ESRP1: variants seen among roughly 807,000 people sequenced by gnomAD.
ESRP1 encodes RNA-binding motif protein 35A.
A neutral mutation model predicts 81.7 loss-of-function variants in ESRP1; 33 were observed. That is an observed-to-expected ratio of 0.40 (90% CI 0.31 to 0.54). The LOEUF (loss-of-function observed/expected upper bound fraction) is 0.54. Among genes scored for constraint, ESRP1 ranks in the 20% least tolerant of loss-of-function variants. The pLI, the probability that ESRP1 is intolerant of heterozygous loss-of-function variation, is 0.41. For synonymous variants in ESRP1, 320 were observed against 303.3 expected, an observed-to-expected ratio of 1.06 and a Z score of -0.57; for missense variants, 672 against 833.1, an observed-to-expected ratio of 0.81 and a Z score of 2.38.
intron 15 of ESRP1, 54 bp downstream of exon 15, chr8:94,697,015 A>T: frequency 8.3e-7 from 1 of 1,199,174 alleles, no homozygotes; most frequent in Non-Finnish European, 1.2e-6. Context: ...AGAGATCAAG[A>T]TTCTGAAGGC....
chr8:94,658,992 G>A (rs1241120297), intron 4 of ESRP1, among the ~76,000 whole-genome samples: 6 of 151,700 alleles, frequency 4.0e-5, no homozygotes, highest in East Asian at 3.9e-4. Flanking sequence ...TGTACTTTTC[G>A]ACCTCCCAGG....
chr8:94,662,111 T>C (rs183990034), intron 4 of ESRP1, among the ~76,000 whole-genome samples, 161 bp from the exon 5 acceptor site: 23 of 152,324 alleles, frequency 1.5e-4, no homozygotes, highest in Admixed American at 5.2e-4. Flanking sequence ...AGTTGGAGCC[T>C]AAGTTGAATG....
rs764879248 is a variant in ESRP1, at chr8:94,685,010, CA to C, written c.1820+6641del. On this transcript the variant is annotated intron_variant, in intron 13 of 15. Transcript: ENST00000433389. The stretch of plus-strand genomic sequence containing the variant: ...GCTCATTGTGGTGTGGGAGACAGCA[CA>C]AGCCTGTCTTTAAAAAAAAAAAAAG... 1.9e-4 allele frequency among the ~76,000 whole-genome samples: 26 copies of C among 135,974 alleles called. 1 individual carries two copies. The East Asian group carries it at 5.6e-3, about 29-fold the overall frequency. 89.2% of individuals were successfully genotyped at this position (135,974 alleles called of 152,430 possible).
intron 4 of ESRP1, among the ~76,000 whole-genome samples, chr8:94,656,394 ATT>A (rs1057242807): frequency 1.7e-4 from 26 of 149,502 alleles, no homozygotes; most frequent in African/African-American, 5.1e-4. Context: ...AATTTTTTGT[ATT>A]TTTTTAGTAG....
intron 15 of ESRP1, among the ~76,000 whole-genome samples, chr8:94,698,559 C>T (rs1332693571): frequency 6.6e-6 from 1 of 152,136 alleles, no homozygotes; most frequent in Non-Finnish European, 1.5e-5. Flanking sequence ...CTCCTCAGTC[C>T]CCATTAATCC....
intron 9 of ESRP1, among the ~76,000 whole-genome samples, chr8:94,666,753 T>C (rs1181081384): frequency 1.3e-5 from 2 of 151,900 alleles, no homozygotes; most frequent in East Asian, 1.9e-4. Flanking sequence ...TCCCAAGCAA[T>C]GTTTGATATT....
intron 13 of ESRP1, among the ~76,000 whole-genome samples, chr8:94,681,343 A>AAAAAC (rs1808874382): frequency 2.1e-5 from 3 of 144,966 alleles, no homozygotes; most frequent in African/African-American, 7.7e-5. Flanking sequence ...AAAAAAAAAA[A>AAAAAC]AAAAAAAAAA....
intron 6 of ESRP1, among the ~76,000 whole-genome samples, chr8:94,664,150 G>A (rs190658204): frequency 7.8e-6 from 1 of 128,106 alleles, no homozygotes; most frequent in Non-Finnish European, 1.7e-5. Context: ...TTGAGAGGGA[G>A]TCTTGCTCTA....
chr8:94,681,837 G>C (rs1378527142), intron 13 of ESRP1, among the ~76,000 whole-genome samples: 1 of 152,022 alleles, frequency 6.6e-6, no homozygotes, highest in Non-Finnish European at 1.5e-5. Flanking sequence ...CGGAGGCCAA[G>C]GCAGAAGAAT....
At chr8:94,676,974 G>A (rs997563045) in intron 12 of ESRP1, among the ~76,000 whole-genome samples, 9 of 151,966 alleles carry the variant, frequency 5.9e-5, no homozygotes, top group East Asian at 2.0e-4. Context: ...CCAACATGGC[G>A]AAACCCTGTT....
intron 4 of ESRP1, among the ~76,000 whole-genome samples, chr8:94,647,108 T>TA (rs1817891370): frequency 6.6e-6 from 1 of 152,236 alleles, no homozygotes; most frequent in Non-Finnish European, 1.5e-5. Context: ...TTTCAGGAAT[T>TA]AAAACCTGGT....
In ESRP1 at chr8:94,696,981, A is replaced by G. The variant is rs1385043767; in HGVS notation, c.*35+20A>G. ...AAGAAGGTAAGGCTTTATGATGTGC[A>G]AGTTAAATTATAAAGGGCCAAACAG... On this transcript the variant is annotated intron_variant, in intron 15 of 15. Transcript: ENST00000433389. The G allele has an allele frequency of 1.3e-6, 2 of 1,489,012 alleles. No individual in the cohort carries two copies. The highest frequency in any genetic ancestry group is 1.8e-6 in the Non-Finnish European group (2 of 1,105,548). The allele number at this position is 1,489,012 out of a possible 1,614,324, so 92.2% of individuals were successfully genotyped here. A position where few individuals can be genotyped will look rare whatever the true frequency, so the allele number is the denominator to read the frequency against.
At chr8:94,668,808 T>TGTGTGTGTGTGTG (rs56799877) in intron 10 of ESRP1, among the ~76,000 whole-genome samples, 12 of 151,288 alleles carry the variant, frequency 7.9e-5, no homozygotes, top group African/African-American at 1.7e-4. Flanking sequence ...TGTGTGTGTG[T>TGTGTGTGTGTGTG]TTGAGATGGG....
chr8:94,656,003 C>T (rs75372482), intron 4 of ESRP1: 20,940 of 151,838 alleles, frequency 0.14, 1,500 homozygotes, highest in Admixed American at 0.18. Context: ...GGCTGCAGTG[C>T]GGTATGCCCA....
chr8:94,658,720 C>T (rs1423408393), intron 4 of ESRP1, among the ~76,000 whole-genome samples: 1 of 152,164 alleles, frequency 6.6e-6, no homozygotes, highest in Non-Finnish European at 1.5e-5. Context: ...ATTCCTGTGG[C>T]ATCCTTTGTA....
intron 1 of ESRP1, 143 bp downstream of exon 1, chr8:94,641,593 C>T: frequency 8.1e-7 from 1 of 1,232,656 alleles, no homozygotes; most frequent in Non-Finnish European, 1.1e-6. Context: ...CCTAGGGAAG[C>T]TAGAGTAAAA....
intron 9 of ESRP1, 34 bp from the exon 10 acceptor site, chr8:94,667,915 T>G: frequency 6.6e-7 from 1 of 1,516,610 alleles, no homozygotes; most frequent in African/African-American, 1.4e-5. Flanking sequence ...CTTAACTATT[T>G]CTCTCCCTGC....
At chr8:94,647,148 G>A (rs992459988) in intron 4 of ESRP1, among the ~76,000 whole-genome samples, 2 of 151,982 alleles carry the variant, frequency 1.3e-5, no homozygotes, top group African/African-American at 2.4e-5. Context: ...TTTTTTTCCT[G>A]ATTGAAGTTT....
chr8:94,641,295 C>T lies in ESRP1; in HGVS notation c.-24C>T, dbSNP rs576359980. On this transcript the variant is annotated 5_prime_UTR_variant, in exon 1 of 16. Coordinates refer to ENST00000433389, the MANE Select transcript of ESRP1 (RefSeq NM_017697.4). ...CCACCTTACCGCCTCCCGACCCCCC[C>T]TCTCCCCCTCCCCACCTATCGTCAT... 3.1e-6 allele frequency: 5 copies of T among 1,600,106 alleles called. No individual in the cohort carries two copies. The highest frequency in any genetic ancestry group is 3.4e-6 in the Non-Finnish European group (4 of 1,169,770).
Sources: allele counts gnomAD v4.1 joint callset (sites outside exome capture counted in the v4.1 genomes callset), GRCh38; gene constraint gnomAD v4.1.1; transcripts MANE v1.5; gene names NCBI Gene and HGNC (gene_info 2026-07-23, HGNC 2026-07-21).